RNLS: variants seen among roughly 807,000 people sequenced by gnomAD.
RNLS encodes renalase, FAD dependent amine oxidase, also known as renalase.
A neutral mutation model predicts 39.8 loss-of-function variants in RNLS; 39 were observed. The ratio of observed to expected loss-of-function variants is 0.98; its 90% CI spans 0.76 to 1.28. RNLS has a LOEUF of 1.28. Ranked by LOEUF, RNLS falls within the 50% of genes most tolerant of loss-of-function variation. The pLI is 0.00. For missense variants in RNLS, 410 were observed against 413.3 expected, an observed-to-expected ratio of 0.99 and a Z score of 0.07; for synonymous variants, 147 against 150.7, an observed-to-expected ratio of 0.98 and a Z score of 0.18.
At chr10:88,366,552 C>T (rs1850113911) in intron 4 of RNLS, among the ~76,000 whole-genome samples, 1 of 148,848 alleles carries the variant, frequency 6.7e-6, no homozygotes, top group Admixed American at 6.8e-5. Context: ...TCCCAATAGT[C>T]CAACCTAAAC....
intron 4 of RNLS, among the ~76,000 whole-genome samples, chr10:88,491,102 C>A (rs1003644230): frequency 1.3e-5 from 2 of 152,068 alleles, no homozygotes; most frequent in African/African-American, 4.8e-5. Context: ...CTCATTATCT[C>A]CCTTTTTTGA....
At chr10:88,372,928 T>C (rs1850681560) in intron 4 of RNLS, among the ~76,000 whole-genome samples, 1 of 152,176 alleles carries the variant, frequency 6.6e-6, no homozygotes, top group Non-Finnish European at 1.5e-5. Context: ...GCCATCATTC[T>C]TTTTGTTGGG....
At chr10:88,571,474 T>C (rs111288980) in intron 4 of RNLS, among the ~76,000 whole-genome samples, 2 of 152,264 alleles carry the variant, frequency 1.3e-5, no homozygotes, top group African/African-American at 4.8e-5. Context: ...AGTGATTTAA[T>C]AAAAGAGGAC....
At chr10:88,296,766 T>G (rs1844124825) in intron 6 of RNLS, among the ~76,000 whole-genome samples, 1 of 152,126 alleles carries the variant, frequency 6.6e-6, no homozygotes, top group African/African-American at 2.4e-5. Flanking sequence ...CCACTAGAAA[T>G]AACAGAGAAC....
chr10:88,472,272 GAAGAA>G (rs1214266931), intron 4 of RNLS, among the ~76,000 whole-genome samples: 3 of 152,310 alleles, frequency 2.0e-5, no homozygotes, highest in Admixed American at 2.0e-4. Flanking sequence ...ATTTTAAAGA[GAAGAA>G]GAGAAGGAAA....
chr10:88,437,962 AC>A (rs1470498601), intron 4 of RNLS, among the ~76,000 whole-genome samples: 1 of 152,094 alleles, frequency 6.6e-6, no homozygotes, highest in Non-Finnish European at 1.5e-5. Flanking sequence ...CCCCGTCTCT[AC>A]TAAAAATACA....
intron 4 of RNLS, among the ~76,000 whole-genome samples, chr10:88,455,721 A>T (rs1379725850): frequency 6.6e-6 from 1 of 152,066 alleles, no homozygotes; most frequent in Non-Finnish European, 1.5e-5. Flanking sequence ...TTAATTTTAA[A>T]TCCTCCCTTT....
intron 4 of RNLS, among the ~76,000 whole-genome samples, chr10:88,503,373 T>C (rs1845611362): frequency 1.3e-5 from 2 of 152,146 alleles, no homozygotes; most frequent in Admixed American, 1.3e-4. Flanking sequence ...GAAGTGAAAC[T>C]GTTTCAAAAA....
intron 4 of RNLS, among the ~76,000 whole-genome samples, chr10:88,454,336 T>C (rs1198328680): frequency 3.9e-5 from 6 of 152,228 alleles, no homozygotes; most frequent in African/African-American, 7.2e-5. Flanking sequence ...GGAGGAAATA[T>C]ACAGGATCAA....
rs34547902 is a variant in RNLS at position 88,414,500 on chromosome 10, T to C, written c.527-51775A>G. ...AACTACCATTTGAGACTATTGATTT[T>C]AGAGTTCAGCTTGGACTATGATGCC... On this transcript the variant is annotated intron_variant, in intron 4 of 6. Transcript: ENST00000331772. Among the ~76,000 whole-genome samples, 779 of 152,348 alleles carry C rather than the reference T, an allele frequency of 5.1e-3. 6 individuals carry two copies. Among genetic ancestry groups the C allele is most frequent in the Non-Finnish European group, 7.7e-3 (523 of 68,036 alleles).
intron 4 of RNLS, among the ~76,000 whole-genome samples, chr10:88,472,426 C>A (rs1843595823): frequency 6.6e-6 from 1 of 152,040 alleles, no homozygotes; most frequent in South Asian, 2.1e-4. Context: ...AACCTGTTAA[C>A]AAGCCCGAGA....
rs1045447749 is a variant in RNLS at position 88,397,973 on chromosome 10, T to G, written c.527-35248A>C. On this transcript the variant is annotated intron_variant, in intron 4 of 6. Coordinates refer to ENST00000331772, the MANE Select transcript of RNLS (RefSeq NM_001031709.3). The stretch of plus-strand genomic sequence containing the variant: ...GATTTTGACTGGGGACCAAGACCAC[T>G]CAGTGGGGGAAATAATGGTCTTTTT... Among the ~76,000 whole-genome samples, 6 of 151,940 alleles carry G rather than the reference T, an allele frequency of 3.9e-5. No individual in the cohort carries two copies. The South Asian group carries it at 1.0e-3, about 26-fold the overall frequency.
At chr10:88,274,895 G>T in exon 7 of RNLS, 1 of 1,171,166 alleles carries the variant, frequency 8.5e-7, no homozygotes, top group Non-Finnish European at 1.3e-6. Flanking sequence ...CCTAAAGGCT[G>T]TGAAGTGGTA....
intron 5 of RNLS, among the ~76,000 whole-genome samples, chr10:88,333,988 G>C (rs567633350): frequency 1.1e-4 from 17 of 152,260 alleles, no homozygotes; most frequent in Admixed American, 9.2e-4. Context: ...AATTTATACT[G>C]CTTAGAAACT....
chr10:88,449,368 TA>T (rs1842234147), intron 4 of RNLS, among the ~76,000 whole-genome samples: 1 of 152,212 alleles, frequency 6.6e-6, no homozygotes, highest in South Asian at 2.1e-4. Context: ...GTGGATGGAA[TA>T]AAACTCTTTT....
At chr10:88,577,892 A>C (rs1209899646) in intron 3 of RNLS, among the ~76,000 whole-genome samples, 1 of 152,216 alleles carries the variant, frequency 6.6e-6, no homozygotes, top group African/African-American at 2.4e-5. Flanking sequence ...GTTTGAACCT[A>C]TTCTAAAGCA....
chr10:88,283,148 C>T (rs372796201), downstream of RNLS, among the ~76,000 whole-genome samples: 303 of 152,210 alleles, frequency 2.0e-3, 2 homozygotes, highest in African/African-American at 6.9e-3. Flanking sequence ...ATTTTATGGC[C>T]GTCTGGGATG....
rs377248573 is a variant in RNLS at position 88,575,196 on chromosome 10, CTA to C, written c.368-2137_368-2136del. Among the ~76,000 whole-genome samples the C allele has an allele frequency of 5.6e-3, 620 of 110,772 alleles. 19 individuals carry two copies. The South Asian group carries it at 0.085, about 15-fold the overall frequency. 72.7% of individuals were successfully genotyped at this position (110,772 alleles called of 152,430 possible). On this transcript the variant is annotated intron_variant, in intron 3 of 6. Transcript: ENST00000331772. ...CACACACACATATTATATATATATA[CTA>C]TATATATATGTGTGTGTATATATAT...
rs1004748090 is a variant in RNLS at position 88,343,898 on chromosome 10, TCCAGGC to T, written c.700+18648_700+18653del. Reference sequence around the variant, plus strand: ...ATTTGTCCTAACTCACATTTGGTTTTCCAGGCTCTCACTGGAGTTCTCCTTCCACAA... The same window carrying T: ...ATTTGTCCTAACTCACATTTGGTTTTTCTCACTGGAGTTCTCCTTCCACAA... On this transcript the variant is annotated intron_variant, in intron 5 of 6. Coordinates refer to ENST00000331772, the MANE Select transcript of RNLS (RefSeq NM_001031709.3). 6.0e-6 allele frequency: 5 copies of T among 836,132 alleles called. No individual in the cohort carries two copies. In the African/African-American group the frequency reaches 9.2e-5, roughly 15 times the overall value. 51.8% of individuals were successfully genotyped at this position (836,132 alleles called of 1,614,324 possible).
Sources: gnomAD v4.1 joint callset for allele counts (sites outside exome capture counted in the v4.1 genomes callset) on GRCh38, gnomAD v4.1.1 for gene constraint, MANE v1.5 for transcripts, NCBI Gene and HGNC (gene_info 2026-07-23, HGNC 2026-07-21) for gene names.